Variants in FLCN observed in about 807,000 individuals in gnomAD.
FLCN encodes the protein folliculin.
In FLCN, 22 loss-of-function variants were observed where a neutral mutation model predicts 62.5. The ratio of observed to expected loss-of-function variants is 0.35; its 90% CI spans 0.25 to 0.50. The LOEUF is 0.50. Ranked by LOEUF, FLCN falls within the 20% of genes least tolerant of loss-of-function variation. FLCN has a pLI of 0.97. For synonymous variants in FLCN, 319 were observed against 310.0 expected (o/e 1.03, Z -0.30); for missense variants, 657 against 778.0 (o/e 0.84, Z 1.85).
In FLCN at chr17:17,216,248, C is replaced by T; in HGVS notation, c.1300+132G>A. On this transcript the variant is annotated intron_variant, in intron 11 of 13. Transcript: ENST00000285071. The surrounding 1 kb of genome is among the most constrained non-coding windows in gnomAD (Gnocchi z 4.0). ...GAAGATAGAACACGGAGGCCCAGAG[C>T]CATGGGGGAAGCTGGCCCTGCAATG... 7.4e-7 allele frequency: 1 copy of T among 1,345,354 alleles called. No homozygotes were observed. The highest frequency in any genetic ancestry group is 1.0e-6 in the Non-Finnish European group (1 of 984,770). 83.3% of individuals were successfully genotyped at this position (1,345,354 alleles called of 1,614,324 possible).
intron 4 of FLCN, among the ~76,000 whole-genome samples, chr17:17,227,089 G>A (rs562795127): frequency 7.9e-5 from 12 of 152,306 alleles, no homozygotes; most frequent in South Asian, 6.2e-4. Flanking sequence ...TTCCAGCAAT[G>A]GATGCAGCTC....
chr17:17,234,904 G>T (rs534983132), intron 1 of FLCN, among the ~76,000 whole-genome samples: 170 of 152,242 alleles, frequency 1.1e-3, no homozygotes, highest in African/African-American at 4.0e-3. Flanking sequence ...GAGGTCAGGA[G>T]ATTGAGACCA....
chr17:17,237,190 C>T (rs907062255), upstream of FLCN: 1 of 152,260 alleles, frequency 6.6e-6, no homozygotes, highest in African/African-American at 2.4e-5. Flanking sequence ...GCGTGACTCC[C>T]TGAGCCGTAC....
rs1337257243 is a variant in FLCN, at chr17:17,213,398, G to A, written c.*257C>T. On this transcript the variant is annotated 3_prime_UTR_variant, in exon 14 of 14. Coordinates refer to ENST00000285071, the MANE Select transcript of FLCN (RefSeq NM_144997.7). ...CTGTCCTCCTAGTCGTCTCTCCAAG[G>A]AGTTTGAACACAGAGAGAGCCCATC... is the stretch of plus-strand genomic sequence containing the variant. The A allele has an allele frequency of 5.1e-6, 3 of 584,680 alleles. No homozygotes were observed. The highest frequency in any genetic ancestry group is 2.9e-5 in the Admixed American group (1 of 34,732). 36.2% of individuals were successfully genotyped at this position (584,680 alleles called of 1,614,324 possible).
At position 17,213,012 on chromosome 17, in the gene FLCN, GC is replaced by G. The variant is rs1445883351; in HGVS notation, c.*642del. The G allele has an allele frequency of 2.1e-5, 5 of 240,568 alleles. No individual in the cohort carries two copies. Among genetic ancestry groups the G allele is most frequent in the African/African-American group, 1.1e-4 (5 of 45,344 alleles). The allele number at this position is 240,568 out of a possible 1,614,324, so 14.9% of individuals were successfully genotyped here. ...AAATGATCAGGGACTCCATCATTAA[GC>G]CCCAGGTTACCTTCACCAGCACCTG... is the stretch of plus-strand genomic sequence containing the variant. On this transcript the variant is annotated 3_prime_UTR_variant, in exon 14 of 14. Coordinates refer to ENST00000285071, the MANE Select transcript of FLCN (RefSeq NM_144997.7).
At chr17:17,224,241 C>G in intron 5 of FLCN, 98 bp from the exon 6 acceptor site, 2 of 1,126,294 alleles carry the variant, frequency 1.8e-6, no homozygotes, top group Non-Finnish European at 1.3e-6. Flanking sequence ...TGGCACAAAT[C>G]AGCCAGCGTT....
chr17:17,234,170 A>T (rs2047508429), intron 1 of FLCN, among the ~76,000 whole-genome samples: 2 of 151,108 alleles, frequency 1.3e-5, no homozygotes, highest in African/African-American at 4.9e-5. Flanking sequence ...GCCACTTCCC[A>T]GCACCCAGAG....
intron 8 of FLCN, chr17:17,219,461 T>C: frequency 6.1e-6 from 3 of 491,166 alleles, no homozygotes; most frequent in Non-Finnish European, 1.1e-5. Context: ...TCTCTGCTGG[T>C]GAGAAAACTC....
At chr17:17,230,976 C>T (rs986306795) in intron 3 of FLCN, among the ~76,000 whole-genome samples, 11 of 152,108 alleles carry the variant, frequency 7.2e-5, no homozygotes, top group African/African-American at 2.2e-4. Context: ...GTGGGCAGAT[C>T]ACTTGAGGTC....
intron 9 of FLCN, 148 bp from the exon 10 acceptor site, chr17:17,217,330 G>A: frequency 4.3e-6 from 3 of 704,832 alleles, no homozygotes; most frequent in Non-Finnish European, 7.7e-6. Context: ...GGAGGCGGGT[G>A]CCCGGCCCAG....
Position 17,213,874 on chromosome 17 carries a change from A to G in FLCN, c.1539-18T>C. ...TCACTTTGCTGAAGAAAACCAAAAC[A>G]AAACACTCAGACACCACAGCACAAT... On this transcript the variant is annotated intron_variant, in intron 13 of 13. Coordinates refer to ENST00000285071, the MANE Select transcript of FLCN (RefSeq NM_144997.7). 6.2e-7 allele frequency: 1 copy of G among 1,613,636 alleles called. No individual in the cohort carries two copies. Among genetic ancestry groups the G allele is most frequent in the Non-Finnish European group, 8.5e-7 (1 of 1,179,778 alleles).
intron 5 of FLCN, 90 bp downstream of exon 5, chr17:17,226,085 CT>C: frequency 6.4e-7 from 1 of 1,566,252 alleles, no homozygotes; most frequent in Non-Finnish European, 8.7e-7. Flanking sequence ...CAGTGCCTGC[CT>C]CCCTGTGCAA....
At chr17:17,226,364 A>T (rs1555611033) in intron 4 of FLCN, 42 bp from the exon 5 acceptor site, 27 of 1,613,130 alleles carry the variant, frequency 1.7e-5, no homozygotes, top group Non-Finnish European at 2.1e-5. Flanking sequence ...GTTGGGAAGC[A>T]GGGCGACAAA....
chr17:17,234,559 A>G (rs2047525148), intron 1 of FLCN, among the ~76,000 whole-genome samples: 2 of 151,220 alleles, frequency 1.3e-5, no homozygotes, highest in South Asian at 4.3e-4. Flanking sequence ...AATGAAAAGC[A>G]CTCGCTGGGT....
Position 17,213,537 on chromosome 17 carries a change from T to C in FLCN, c.*118A>G. ...CGAGCCCAGCCCTGATGGTTTCCCT[T>C]CCTTGCTGGGACACAGCTCCTTCCA... On this transcript the variant is annotated 3_prime_UTR_variant, in exon 14 of 14. Transcript: ENST00000285071. The C allele has an allele frequency of 7.1e-7, 1 of 1,408,692 alleles. No individual in the cohort carries two copies. The highest frequency in any genetic ancestry group is 9.9e-7 in the Non-Finnish European group (1 of 1,006,360). The allele number at this position is 1,408,692 out of a possible 1,614,324, so 87.3% of individuals were successfully genotyped here.
intron 9 of FLCN, among the ~76,000 whole-genome samples, chr17:17,217,905 A>G (rs1212449661): frequency 6.6e-6 from 1 of 152,168 alleles, no homozygotes; most frequent in Non-Finnish European, 1.5e-5. Context: ...CAACAGCCTC[A>G]AAGTAGTCCC....
intron 4 of FLCN, among the ~76,000 whole-genome samples, chr17:17,226,980 T>C (rs910013246): frequency 1.3e-5 from 2 of 152,218 alleles, no homozygotes; most frequent in Non-Finnish European, 2.9e-5. Flanking sequence ...GATTCCTCCA[T>C]GGGCAACCCC....
chr17:17,221,207 C>G, intron 8 of FLCN: 2 of 1,516,938 alleles, frequency 1.3e-6, no homozygotes, highest in South Asian at 2.5e-5. Flanking sequence ...GAGCAAAGAC[C>G]GTCGACCAGG....
rs114440589 is a variant in FLCN at position 17,223,835 on chromosome 17, C to T, written c.618+87G>A. 1,808 of 1,344,866 alleles carry T rather than the reference C, an allele frequency of 1.3e-3. 19 individuals are homozygous for T. The African/African-American group carries it at 0.021, about 16-fold the overall frequency. 83.3% of individuals were successfully genotyped at this position (1,344,866 alleles called of 1,614,324 possible). A position where few individuals can be genotyped will look rare whatever the true frequency, so the allele number is the denominator to read the frequency against. The stretch of plus-strand genomic sequence containing the variant: ...GCTGTAAGCAGAGGGGAAGACGCCA[C>T]GCGGTCTCCAGGCCTCAACCTCAGC... On this transcript the variant is annotated intron_variant, in intron 6 of 13. Coordinates refer to ENST00000285071, the MANE Select transcript of FLCN (RefSeq NM_144997.7).
Sources: gnomAD v4.1 joint callset for allele counts (sites outside exome capture counted in the v4.1 genomes callset) on GRCh38, gnomAD v4.1.1 for gene constraint, Gnocchi (gnomAD v3.1) non-coding constraint, MANE v1.5 for transcripts, NCBI Gene and HGNC (gene_info 2026-07-23, HGNC 2026-07-21) for gene names.